CIMIP3: variants seen among roughly 807,000 people sequenced by gnomAD.
The protein encoded by CIMIP3 is GUCA1A neighbor.
the CIMIP3 span, among the ~76,000 whole-genome samples, chr6:42,158,201 G>A: frequency 6.6e-6 from 1 of 152,266 alleles, no homozygotes; most frequent in Non-Finnish European, 1.5e-5. Flanking sequence ...AACCTGGAAA[G>A]TATGCAGTCA....
the CIMIP3 span, among the ~76,000 whole-genome samples, chr6:42,159,357 C>T: frequency 6.6e-6 from 1 of 152,206 alleles, no homozygotes; most frequent in African/African-American, 2.4e-5. Context: ...TGTGCTCAGT[C>T]GTGGTGTCTT....
At chr6:42,157,161 C>T in the CIMIP3 span, among the ~76,000 whole-genome samples, 33 of 152,318 alleles carry the variant, frequency 2.2e-4, no homozygotes, top group Admixed American at 5.9e-4. Flanking sequence ...TATATATGTA[C>T]ATATTAATAC....
chr6:42,159,452 C>A, the CIMIP3 span, among the ~76,000 whole-genome samples: 1 of 152,212 alleles, frequency 6.6e-6, no homozygotes, highest in South Asian at 2.1e-4. Context: ...CATGTCCTAT[C>A]CTCAGCTCTG....
At chr6:42,162,912 C>A in the CIMIP3 span, 9 of 614,776 alleles carry the variant, frequency 1.5e-5, no homozygotes, top group Admixed American at 5.4e-5. Context: ...TTCTTTCCCC[C>A]CTCCCAGGAC....
At chr6:42,160,963 C>T in the CIMIP3 span, among the ~76,000 whole-genome samples, 2 of 151,938 alleles carry the variant, frequency 1.3e-5, no homozygotes. Flanking sequence ...CTGAGGCGGG[C>T]GGATCACCTG....
the CIMIP3 span, among the ~76,000 whole-genome samples, chr6:42,156,303 TTTC>T: frequency 4.0e-5 from 6 of 148,610 alleles, no homozygotes; most frequent in African/African-American, 1.5e-4. Flanking sequence ...GCCATTTTTT[TTTC>T]TTTTTTTTTT....
chr6:42,163,068 C>G, the CIMIP3 span: 1 of 717,466 alleles, frequency 1.4e-6, no homozygotes, highest in South Asian at 1.5e-5. Context: ...GTTGTGGACT[C>G]TAAGGGGCAG....
At chr6:42,159,356 T>A in the CIMIP3 span, among the ~76,000 whole-genome samples, 2 of 152,012 alleles carry the variant, frequency 1.3e-5, no homozygotes, top group Non-Finnish European at 2.9e-5. Flanking sequence ...TTGTGCTCAG[T>A]CGTGGTGTCT....
At chr6:42,155,535 G>T in the CIMIP3 span, 1 of 717,400 alleles carries the variant, frequency 1.4e-6, no homozygotes, top group Non-Finnish European at 2.6e-6. Flanking sequence ...GTCACAAGAA[G>T]CCTGATGGGC....
the CIMIP3 span, among the ~76,000 whole-genome samples, chr6:42,159,719 C>G: frequency 0.78 from 117,974 of 152,204 alleles, 45,953 homozygotes; most frequent in African/African-American, 0.84. Context: ...AATAGAAGAT[C>G]CACAGGCCCC....
the CIMIP3 span, among the ~76,000 whole-genome samples, chr6:42,158,983 C>G: frequency 6.6e-6 from 1 of 152,192 alleles, no homozygotes; most frequent in Non-Finnish European, 1.5e-5. Flanking sequence ...CTTCATGGCC[C>G]TTCTGTGGCG....
the CIMIP3 span, among the ~76,000 whole-genome samples, chr6:42,159,153 C>A: frequency 1.3e-5 from 2 of 152,170 alleles, no homozygotes; most frequent in Non-Finnish European, 2.9e-5. Flanking sequence ...ATTGTCACTG[C>A]CCTCAGGGGA....
At chr6:42,159,961 C>T in the CIMIP3 span, among the ~76,000 whole-genome samples, 94,575 of 151,550 alleles carry the variant, frequency 0.62, 29,745 homozygotes, top group South Asian at 0.7. Flanking sequence ...GGGTTTGGTG[C>T]GGTGCTACAG....
chr6:42,162,282 C>T, the CIMIP3 span, among the ~76,000 whole-genome samples: 185 of 149,812 alleles, frequency 1.2e-3, no homozygotes, highest in African/African-American at 3.5e-3. Context: ...GGCGTGGTGG[C>T]GGGTGCCTGT....
chr6:42,161,531 A>G, the CIMIP3 span, among the ~76,000 whole-genome samples: 1 of 152,176 alleles, frequency 6.6e-6, no homozygotes, highest in Admixed American at 6.5e-5. Flanking sequence ...GAAGGTGAAC[A>G]GGATAGCTTG....
the CIMIP3 span, among the ~76,000 whole-genome samples, chr6:42,155,833 A>G: frequency 1.3e-5 from 2 of 152,180 alleles, no homozygotes; most frequent in African/African-American, 4.8e-5. Flanking sequence ...CTAAAGTTTG[A>G]GTGCTTAAGA....
chr6:42,163,006 G>A, the CIMIP3 span: 2 of 716,898 alleles, frequency 2.8e-6, no homozygotes, highest in South Asian at 3.0e-5. Flanking sequence ...CCCGGCCCCG[G>A]GCGTGGAAGC....
the CIMIP3 span, among the ~76,000 whole-genome samples, chr6:42,158,732 T>C: frequency 6.6e-6 from 1 of 152,222 alleles, no homozygotes; most frequent in South Asian, 2.1e-4. Flanking sequence ...TAGGAGCTTT[T>C]GCAGAGCTGA....
the CIMIP3 span, among the ~76,000 whole-genome samples, chr6:42,160,983 G>A: frequency 4.5e-4 from 68 of 152,274 alleles, no homozygotes; most frequent in African/African-American, 1.3e-3. Flanking sequence ...GAGGTCGGGA[G>A]TTTGAGACCA....
Sources: gnomAD v4.1 joint callset for allele counts (sites outside exome capture counted in the v4.1 genomes callset) on GRCh38, gnomAD v4.1.1 for gene constraint, MANE v1.5 for transcripts, NCBI Gene and HGNC (gene_info 2026-07-23, HGNC 2026-07-21) for gene names.